CALN1: variants seen among roughly 807,000 people sequenced by gnomAD.
CALN1 encodes calneuron 1.
A neutral mutation model predicts 30.6 loss-of-function variants in CALN1; 17 were observed. That is an observed-to-expected ratio of 0.56 (90% CI 0.38 to 0.83). The LOEUF (loss-of-function observed/expected upper bound fraction) is 0.83. Among genes scored for constraint, CALN1 ranks in the 40% least tolerant of loss-of-function variants. The pLI is 0.00. For missense variants in CALN1, 291 were observed against 354.9 expected, an observed-to-expected ratio of 0.82 and a Z score of 1.45; for synonymous variants, 156 against 131.4, an observed-to-expected ratio of 1.19 and a Z score of -1.28.
At chr7:72,288,126 G>A (rs1478855844) in intron 2 of CALN1, among the ~76,000 whole-genome samples, 2 of 152,146 alleles carry the variant, frequency 1.3e-5, no homozygotes, top group African/African-American at 4.8e-5. Context: ...TTGCGGTCAA[G>A]ACACTGACTG....
intron 2 of CALN1, among the ~76,000 whole-genome samples, chr7:72,308,373 GAGAGAGAGAGAGAGAGA>G (rs1799805638): frequency 5.4e-5 from 1 of 18,486 alleles, no homozygotes; most frequent in Non-Finnish European, 1.2e-4. Flanking sequence ...GTGGGGGGGG[GAGAGAGAGAGAGAGAGA>G]GAGAGAGAGA....
At chr7:71,788,465 C>T (rs929037035) in intron 6 of CALN1, among the ~76,000 whole-genome samples, 1 of 151,328 alleles carries the variant, frequency 6.6e-6, no homozygotes, top group African/African-American at 2.4e-5. Flanking sequence ...AGCAGCATCC[C>T]CATTACTAAG....
intron 3 of CALN1, among the ~76,000 whole-genome samples, chr7:72,250,786 C>G (rs111916116): frequency 2.0e-5 from 3 of 152,288 alleles, no homozygotes; most frequent in African/African-American, 7.2e-5. Context: ...CCTGAGGCCT[C>G]ACCAGAAGTC....
At chr7:72,037,030 A>G (rs897837980) in intron 4 of CALN1, among the ~76,000 whole-genome samples, 1 of 152,136 alleles carries the variant, frequency 6.6e-6, no homozygotes, top group Non-Finnish European at 1.5e-5. Flanking sequence ...CCCAGGCTGG[A>G]GTGCAGTGGT....
chr7:72,331,324 T>C (rs1166450906), intron 2 of CALN1, among the ~76,000 whole-genome samples: 2 of 151,732 alleles, frequency 1.3e-5, no homozygotes, highest in African/African-American at 4.8e-5. Flanking sequence ...CACTCCAGCC[T>C]GGGCAACAGA....
At chr7:72,295,792 A>C (rs1384654704) in intron 2 of CALN1, among the ~76,000 whole-genome samples, 1 of 151,558 alleles carries the variant, frequency 6.6e-6, no homozygotes, top group Non-Finnish European at 1.5e-5. Flanking sequence ...CTAGATATAC[A>C]ATCATGTCGT....
chr7:72,338,470 A>AGTGAGT (rs1554378589), intron 2 of CALN1, among the ~76,000 whole-genome samples: 2 of 74,760 alleles, frequency 2.7e-5, no homozygotes, highest in Non-Finnish European at 6.0e-5. Context: ...CCAGCAGCAC[A>AGTGAGT]GTGTGTGTGT....
rs544587332 is a variant in CALN1 at position 71,969,560 on chromosome 7, T to G, written c.501+54097A>C. Among the ~76,000 whole-genome samples, 15 of 152,320 alleles carry G rather than the reference T, an allele frequency of 9.8e-5. No individual in the cohort carries two copies. The East Asian group carries it at 2.5e-3, about 25-fold the overall frequency. ...CATAATTCATTAAGGCTTACTATCA[T>G]GCAGAATCTACCATGCTTTATTCAA... is the stretch of plus-strand genomic sequence containing the variant. On this transcript the variant is annotated intron_variant, in intron 5 of 6. Coordinates refer to ENST00000395275, the MANE Select transcript of CALN1 (RefSeq NM_031468.4).
At chr7:72,146,822 C>T (rs887154304) in intron 3 of CALN1, among the ~76,000 whole-genome samples, 5 of 152,176 alleles carry the variant, frequency 3.3e-5, no homozygotes, top group Non-Finnish European at 5.9e-5. Flanking sequence ...CACACATCTA[C>T]AACTATCTGA....
intron 1 of CALN1, among the ~76,000 whole-genome samples, chr7:72,444,943 G>C (rs73366916): frequency 6.6e-6 from 1 of 151,908 alleles, no homozygotes; most frequent in Non-Finnish European, 1.5e-5. Flanking sequence ...AGCCCACCAC[G>C]GCCATTAAAG....
At chr7:72,264,772 C>T (rs551169634) in intron 3 of CALN1, among the ~76,000 whole-genome samples, 27 of 152,214 alleles carry the variant, frequency 1.8e-4, no homozygotes, top group Middle Eastern at 6.8e-3. Flanking sequence ...AGGGTTATTT[C>T]GTCACCCAGG....
chr7:71,998,090 G>T (rs1584712160), intron 5 of CALN1, among the ~76,000 whole-genome samples: 1 of 152,106 alleles, frequency 6.6e-6, no homozygotes, highest in African/African-American at 2.4e-5. Flanking sequence ...CTCCCAAAGT[G>T]CTGGGATTAT....
At chr7:71,911,611 A>G (rs1794428165) in intron 5 of CALN1, among the ~76,000 whole-genome samples, 2 of 152,186 alleles carry the variant, frequency 1.3e-5, no homozygotes, top group East Asian at 1.9e-4. Context: ...GGAGCTGGGC[A>G]GAGAGAAAAA....
chr7:71,790,368 A>AAAAGAAAGAAAGAAAGAAAAG (rs1793284116), intron 6 of CALN1, among the ~76,000 whole-genome samples: 5 of 123,680 alleles, frequency 4.0e-5, no homozygotes, highest in Non-Finnish European at 6.7e-5. Flanking sequence ...AGAAAGAAAG[A>AAAAGAAAGAAAGAAAGAAAAG]AAAGAAAGAA....
At position 71,974,417 on chromosome 7, in the gene CALN1, CAAAAAAAAA is replaced by C. The variant is rs1052896558; in HGVS notation, c.501+49231_501+49239del. ...TGGGTGACAGAGCAAGACTCCATCT[CAAAAAAAAA>C]AAAAAAAAAAAAAAAAGGAAAAAGA... On this transcript the variant is annotated intron_variant, in intron 5 of 6. Transcript: ENST00000395275. Among the ~76,000 whole-genome samples the C allele has an allele frequency of 6.3e-3, 346 of 55,038 alleles. 1 individual carries two copies. Among genetic ancestry groups the C allele is most frequent in the Middle Eastern group, 0.014 (1 of 70 alleles). The allele number at this position is 55,038 out of a possible 152,430, so 36.1% of individuals were successfully genotyped here.
intron 5 of CALN1, among the ~76,000 whole-genome samples, chr7:71,941,891 C>A (rs963534763): frequency 1.1e-4 from 17 of 152,088 alleles, no homozygotes; most frequent in Non-Finnish European, 2.4e-4. Context: ...GACTGCCCCT[C>A]ATTAGGGACA....
chr7:71,920,305 C>T (rs1794874372), intron 5 of CALN1, among the ~76,000 whole-genome samples: 1 of 146,348 alleles, frequency 6.8e-6, no homozygotes, highest in African/African-American at 2.5e-5. Context: ...CACTTAGTTA[C>T]TGTTTGACCT....
chr7:72,009,336 T>C (rs1262087869), intron 5 of CALN1, among the ~76,000 whole-genome samples: 1 of 152,168 alleles, frequency 6.6e-6, no homozygotes, highest in Non-Finnish European at 1.5e-5. Flanking sequence ...AAAATAAAAA[T>C]GGCAAATCAA....
chr7:71,977,932 T>TAA (rs59155068), intron 5 of CALN1, among the ~76,000 whole-genome samples: 2 of 118,698 alleles, frequency 1.7e-5, no homozygotes, highest in East Asian at 2.4e-4. Context: ...ACTCTGTCTT[T>TAA]AAAAAAAAAA....
Sources: gnomAD v4.1 joint callset for allele counts (sites outside exome capture counted in the v4.1 genomes callset) on GRCh38, gnomAD v4.1.1 for gene constraint, MANE v1.5 for transcripts, NCBI Gene and HGNC (gene_info 2026-07-23, HGNC 2026-07-21) for gene names.